The following EVI5L variants were observed in gnomAD, a reference collection of about 807,000 sequenced individuals.
EVI5L encodes the protein ecotropic viral integration site 5 like.
A neutral mutation model predicts 106.1 loss-of-function variants in EVI5L; 30 were observed. The ratio of observed to expected loss-of-function variants is 0.28; its 90% CI spans 0.21 to 0.38. The LOEUF (loss-of-function observed/expected upper bound fraction) is 0.38, where lower values mean the gene tolerates loss of function less well. Among genes scored for constraint, EVI5L ranks in the 10% least tolerant of loss-of-function variants. The pLI is 1.00. For synonymous variants in EVI5L, 489 were observed against 483.3 expected, an observed-to-expected ratio of 1.01 and a Z score of -0.15; for missense variants, 809 against 1,098.0, an observed-to-expected ratio of 0.74 and a Z score of 3.72.
chr19:7,860,181 G>A (rs1979730139), intron 13 of EVI5L, among the ~76,000 whole-genome samples: 1 of 152,160 alleles, frequency 6.6e-6, no homozygotes, highest in Non-Finnish European at 1.5e-5. Context: ...ACAGCCCCAG[G>A]CCTCTCCCCC....
intron 1 of EVI5L, among the ~76,000 whole-genome samples, chr19:7,833,957 C>T (rs557764663): frequency 2.0e-5 from 3 of 152,324 alleles, no homozygotes; most frequent in Non-Finnish European, 2.9e-5. Context: ...AAGAGACTTA[C>T]CCTTTTGAGG....
Position 7,857,368 on chromosome 19 carries a change from A to G in EVI5L, c.1233+244A>G. ...CGTTTGGGTGTGAATGTCCACATGC[A>G]TGTACAGAAAGCTTCCTCCGGGCGA... On this transcript the variant is annotated intron_variant, in intron 12 of 19. Transcript: ENST00000538904. The surrounding 1 kb of genome is among the most constrained non-coding windows in gnomAD (Gnocchi z 4.5). The G allele has an allele frequency of 1.6e-6, 1 of 608,522 alleles. No individual in the cohort carries two copies. The highest frequency in any genetic ancestry group is 2.9e-6 in the Non-Finnish European group (1 of 343,374). 37.7% of individuals were successfully genotyped at this position (608,522 alleles called of 1,614,324 possible). A position where few individuals can be genotyped will look rare whatever the true frequency, so the allele number is the denominator to read the frequency against.
rs779270311 is a variant in EVI5L at position 7,853,269 on chromosome 19, G to T, written c.1086-4G>T. 1.2e-6 allele frequency: 2 copies of T among 1,613,932 alleles called. No homozygotes were observed. Among genetic ancestry groups the T allele is most frequent in the Non-Finnish European group, 1.7e-6 (2 of 1,179,986 alleles). Reference sequence around the variant, plus strand: ...AGTAACCACGGGGCCCTCCCGATCTGCAGGCTGGAGAAGGAGTACGCAGCC... The same window carrying T: ...AGTAACCACGGGGCCCTCCCGATCTTCAGGCTGGAGAAGGAGTACGCAGCC... On this transcript the variant is annotated splice_region_variant and splice_polypyrimidine_tract_variant and intron_variant, in intron 9 of 19. Transcript: ENST00000538904.
At chr19:7,851,827 C>G in intron 8 of EVI5L, 57 bp downstream of exon 8, 1 of 1,434,602 alleles carries the variant, frequency 7.0e-7, no homozygotes. Flanking sequence ...CTTCGAGTCA[C>G]AGGATGCCCT....
Position 7,846,620 on chromosome 19 carries a change from C to T in EVI5L, c.78C>T (p.Asp26=). ...CCCCCACCTGCTCCCCAACCTCTGACTCCGAGAACCTCAGCCCCGATGAGC... is the reference window on the plus strand; with the variant it reads ...CCCCCACCTGCTCCCCAACCTCTGATTCCGAGAACCTCAGCCCCGATGAGC... ...LSAPTCSPTS[D]SENLSPDELE... Residue 26 remains aspartate, a synonymous_variant, in exon 2 of 20, where the codon GAC becomes GAT. Coordinates refer to ENST00000538904, the MANE Select transcript of EVI5L (RefSeq NM_001159944.3). The T allele has an allele frequency of 1.9e-6, 3 of 1,613,840 alleles. No individual in the cohort carries two copies. The highest frequency in any genetic ancestry group is 2.5e-6 in the Non-Finnish European group (3 of 1,179,968).
intron 1 of EVI5L, among the ~76,000 whole-genome samples, chr19:7,842,125 TG>T (rs1179896051): frequency 6.6e-6 from 1 of 152,092 alleles, no homozygotes; most frequent in Non-Finnish European, 1.5e-5. Flanking sequence ...TGCCTGAGTG[TG>T]TGAATGTATG....
chr19:7,855,564 C>T (rs1032244444), intron 10 of EVI5L, among the ~76,000 whole-genome samples: 6 of 152,170 alleles, frequency 3.9e-5, no homozygotes, highest in African/African-American at 1.2e-4. Flanking sequence ...GCACGCTGGA[C>T]CCAGACTCAA....
chr19:7,846,925 G>C (rs148756694), intron 2 of EVI5L, among the ~76,000 whole-genome samples: 5 of 152,338 alleles, frequency 3.3e-5, no homozygotes, highest in East Asian at 1.9e-4. Context: ...AATCCGCCGC[G>C]GTTAATGGAG....
In EVI5L at chr19:7,848,567, C is replaced by T. The variant is rs1012110991; in HGVS notation, c.328-354C>T. On this transcript the variant is annotated intron_variant, in intron 3 of 19. Transcript: ENST00000538904. This position sits in a 1 kb window ranked among gnomAD's most constrained non-coding sequence, Gnocchi z 4.8. ...GAGCCAAGATCACGCCACTGCACTC[C>T]GGCGTGGGCAACAGAGTGAGACTCC... is the stretch of plus-strand genomic sequence containing the variant. Among the ~76,000 whole-genome samples the T allele has an allele frequency of 2.9e-4, 44 of 151,252 alleles. No homozygotes were observed. Among genetic ancestry groups the T allele is most frequent in the African/African-American group, 9.7e-4 (40 of 41,120 alleles).
intron 1 of EVI5L, among the ~76,000 whole-genome samples, chr19:7,833,708 TACA>T (rs1978306859): frequency 6.6e-6 from 1 of 152,152 alleles, no homozygotes; most frequent in African/African-American, 2.4e-5. Context: ...GGCGTCTTAC[TACA>T]AGCCCTTGTG....
At chr19:7,854,264 AGAGT>A (rs1297333603) in intron 10 of EVI5L, among the ~76,000 whole-genome samples, 1 of 148,952 alleles carries the variant, frequency 6.7e-6, no homozygotes, top group Non-Finnish European at 1.5e-5. Context: ...CCTGGGCGAC[AGAGT>A]GAGACTGTGT....
In EVI5L at chr19:7,856,651, G is replaced by A. The variant is rs1979539964; in HGVS notation, c.1201-441G>A. Reference sequence around the variant, plus strand: ...ACTGGCCACAGGAAGTGGGTTGGCAGCCGGATTTGGTTGCCCTCACCCCAA... The same window carrying A: ...ACTGGCCACAGGAAGTGGGTTGGCAACCGGATTTGGTTGCCCTCACCCCAA... On this transcript the variant is annotated intron_variant, in intron 11 of 19. Transcript: ENST00000538904. The surrounding 1 kb of genome is among the most constrained non-coding windows in gnomAD (Gnocchi z 6.6). Among the ~76,000 whole-genome samples, 2 of 152,058 alleles carry A rather than the reference G, an allele frequency of 1.3e-5. No homozygotes were observed.
chr19:7,853,660 G>A, intron 10 of EVI5L: 1 of 383,172 alleles, frequency 2.6e-6, no homozygotes, highest in East Asian at 5.8e-5. Context: ...CACGCGGTGG[G>A]CAAGGCTGAC....
At chr19:7,841,575 T>G (rs1485301247) in intron 1 of EVI5L, among the ~76,000 whole-genome samples, 3 of 152,162 alleles carry the variant, frequency 2.0e-5, no homozygotes, top group Non-Finnish European at 1.5e-5. Context: ...TGGCTCAGCT[T>G]CCTAAGCTGT....
chr19:7,858,029 A>G lies in EVI5L; in HGVS notation c.1234-162A>G. 1 of 777,178 alleles carries G rather than the reference A, an allele frequency of 1.3e-6. No homozygotes were observed. Among genetic ancestry groups the G allele is most frequent in the Non-Finnish European group, 2.0e-6 (1 of 497,186 alleles). The allele number at this position is 777,178 out of a possible 1,614,324, so 48.1% of individuals were successfully genotyped here. ...CTGCCTGTCACCCACCCACGTCCCC[A>G]GGCCCAGTGGGACGCTCATCCCAGG... On this transcript the variant is annotated intron_variant, in intron 12 of 19. Coordinates refer to ENST00000538904, the MANE Select transcript of EVI5L (RefSeq NM_001159944.3). This position sits in a 1 kb window ranked among gnomAD's most constrained non-coding sequence, Gnocchi z 5.7.
At chr19:7,834,738 G>C (rs1213706209) in intron 1 of EVI5L, among the ~76,000 whole-genome samples, 1 of 152,158 alleles carries the variant, frequency 6.6e-6, no homozygotes. Context: ...CACAGGTCAG[G>C]CTTGTCCTAA....
At position 7,858,947 on chromosome 19, in the gene EVI5L, T is replaced by C. The variant is rs551738402; in HGVS notation, c.1374+616T>C. 2 of 152,186 alleles carry C rather than the reference T, an allele frequency of 1.3e-5. No individual in the cohort carries two copies. The highest frequency in any genetic ancestry group is 2.9e-5 in the Non-Finnish European group (2 of 68,078). 9.4% of individuals were successfully genotyped at this position (152,186 alleles called of 1,614,324 possible). On this transcript the variant is annotated intron_variant, in intron 13 of 19. Coordinates refer to ENST00000538904, the MANE Select transcript of EVI5L (RefSeq NM_001159944.3). The surrounding 1 kb of genome is among the most constrained non-coding windows in gnomAD (Gnocchi z 5.7). Reference sequence around the variant, plus strand: ...TGGCTCACGCCTTAATCTCAGCACTTTGGGAGGCTGAGGCAGGTGGATCAC... The same window carrying C: ...TGGCTCACGCCTTAATCTCAGCACTCTGGGAGGCTGAGGCAGGTGGATCAC...
chr19:7,861,231 G>A (rs1363994278), intron 14 of EVI5L, among the ~76,000 whole-genome samples: 2 of 152,198 alleles, frequency 1.3e-5, no homozygotes, highest in Non-Finnish European at 2.9e-5. Context: ...CCAAATGGAG[G>A]ACTGAGAGGC....
At chr19:7,836,192 G>A (rs1276800793) in intron 1 of EVI5L, among the ~76,000 whole-genome samples, 2 of 151,788 alleles carry the variant, frequency 1.3e-5, no homozygotes, top group Non-Finnish European at 1.5e-5. Flanking sequence ...AGCCAAGATC[G>A]TGCAACTGCA....
Sources: gnomAD v4.1 joint callset for allele counts (sites outside exome capture counted in the v4.1 genomes callset) on GRCh38, gnomAD v4.1.1 for gene constraint, Gnocchi (gnomAD v3.1) non-coding constraint, MANE v1.5 for transcripts, NCBI Gene and HGNC (gene_info 2026-07-23, HGNC 2026-07-21) for gene names.